RNF214: variants seen among roughly 807,000 people sequenced by gnomAD.
RNF214 encodes the protein ring finger protein 214.
In RNF214, 25 loss-of-function variants were observed where a neutral mutation model predicts 75.9. That is an observed-to-expected ratio of 0.33 (90% CI 0.24 to 0.46). RNF214 has a LOEUF of 0.46. RNF214 is among the 20% of genes least tolerant of loss of function. RNF214 has a pLI of 1.00. For missense variants in RNF214, 725 were observed against 857.5 expected (o/e 0.85, Z 1.93); for synonymous variants, 314 against 308.8 (o/e 1.02, Z -0.18).
At chr11:117,272,277 T>G (rs2033927777) in intron 6 of RNF214, among the ~76,000 whole-genome samples, 1 of 152,172 alleles carries the variant, frequency 6.6e-6, no homozygotes, top group Non-Finnish European at 1.5e-5. Flanking sequence ...GGACCAAAGT[T>G]TGAGGTTTTC....
intron 2 of RNF214, among the ~76,000 whole-genome samples, chr11:117,235,101 A>G (rs901042497): frequency 6.6e-6 from 1 of 152,274 alleles, no homozygotes; most frequent in Non-Finnish European, 1.5e-5. Context: ...TGTGTTGTTT[A>G]AGGAATAATG....
intron 6 of RNF214, among the ~76,000 whole-genome samples, chr11:117,247,766 G>A (rs545975002): frequency 4.0e-5 from 6 of 151,506 alleles, no homozygotes; most frequent in African/African-American, 1.2e-4. Context: ...CAGGGGAATC[G>A]CTTGAATCCA....
In RNF214 at chr11:117,252,387, C is replaced by G. The variant is rs556170593; in HGVS notation, c.959+5439C>G. Among the ~76,000 whole-genome samples, 19 of 152,304 alleles carry G rather than the reference C, an allele frequency of 1.2e-4. No individual in the cohort carries two copies. In the East Asian group the frequency reaches 2.9e-3, roughly 23 times the overall value. ...GTAGACAGGGTTGAGTTAGGGATAA[C>G]TCCCATATTTCTGGCTTGGAAAATT... On this transcript the variant is annotated intron_variant, in intron 6 of 14. Coordinates refer to ENST00000300650, the MANE Select transcript of RNF214 (RefSeq NM_207343.4).
chr11:117,247,452 G>A (rs1392302018), intron 6 of RNF214, among the ~76,000 whole-genome samples: 1 of 152,138 alleles, frequency 6.6e-6, no homozygotes, highest in Non-Finnish European at 1.5e-5. Context: ...CTGTGATTAC[G>A]CCACTGCACT....
chr11:117,239,031 G>A lies in RNF214; in HGVS notation c.538G>A (p.Gly180Arg). Residue 180 changes from glycine to arginine, a missense_variant, in exon 3 of 15, where the codon GGG (glycine) becomes AGG (arginine). Physicochemically the swap from Gly to Arg is moderately radical, Grantham distance 125. Transcript: ENST00000300650. Reference sequence around the variant, plus strand: ...CCGACCTGTAGTGTCTCCAGCAAATGGGGTTGAAGGAGTCCGAGTGGATCA... The same window carrying A: ...CCGACCTGTAGTGTCTCCAGCAAATAGGGTTGAAGGAGTCCGAGTGGATCA... ...DFRPVVSPAN[G>R]VEGVRVDQDD... 1 of 1,614,112 alleles carries A rather than the reference G, an allele frequency of 6.2e-7. No homozygotes were observed. The highest frequency in any genetic ancestry group is 8.5e-7 in the Non-Finnish European group (1 of 1,179,996).
intron 4 of RNF214, 87 bp from the exon 5 acceptor site, chr11:117,244,358 G>A: frequency 1.8e-6 from 2 of 1,085,076 alleles, no homozygotes; most frequent in South Asian, 2.7e-5. Context: ...CGGTCATAGA[G>A]CTCTATACAA....
chr11:117,262,707 T>TTGTGTGTG (rs57686552), intron 6 of RNF214, among the ~76,000 whole-genome samples: 10,274 of 147,658 alleles, frequency 0.07, 614 homozygotes, highest in African/African-American at 0.16. Context: ...TTGAGGAACG[T>TTGTGTGTG]TGTGTGTGTG....
At chr11:117,277,268 G>A (rs2034032125) in intron 6 of RNF214, among the ~76,000 whole-genome samples, 1 of 152,118 alleles carries the variant, frequency 6.6e-6, no homozygotes, top group African/African-American at 2.4e-5. Context: ...GCCTGAACCT[G>A]GGGGGTGGAG....
At chr11:117,253,363 A>G (rs896218123) in intron 6 of RNF214, among the ~76,000 whole-genome samples, 6 of 152,234 alleles carry the variant, frequency 3.9e-5, no homozygotes, top group Non-Finnish European at 7.3e-5. Context: ...TAGTTTAGTC[A>G]TGTATTTGAT....
In RNF214 at chr11:117,283,118, C is replaced by T. The variant is rs767282551; in HGVS notation, c.1954C>T (p.Pro652Ser). 3 of 1,613,086 alleles carry T rather than the reference C, an allele frequency of 1.9e-6. No individual in the cohort carries two copies. Among genetic ancestry groups the T allele is most frequent in the East Asian group, 2.2e-5 (1 of 44,878 alleles). The change falls in exon 14 of 15, where the codon CCA (proline) becomes TCA (serine). Residue 652 changes from proline (P) to serine (S), a missense_variant. This residue lies in a region of RNF214 where 363 missense variants were observed against 513.0 expected (regional missense o/e 0.71). Coordinates refer to ENST00000300650, the MANE Select transcript of RNF214 (RefSeq NM_207343.4). ...VSYPGRSSHA[P>S]ATCKLCLMCQ... is the part of the protein sequence containing the mutation. ...TCATGCCGCCTCTGTTCTACAGGCT[C>T]CAGCCACCTGTAAGCTATGTCTAAT...
intron 6 of RNF214, among the ~76,000 whole-genome samples, chr11:117,279,665 C>T (rs1300890567): frequency 6.6e-6 from 1 of 152,094 alleles, no homozygotes; most frequent in Non-Finnish European, 1.5e-5. Flanking sequence ...AATATAGGGC[C>T]ATTATGCAAC....
chr11:117,241,510 G>A (rs2033079487), intron 4 of RNF214, among the ~76,000 whole-genome samples: 1 of 151,418 alleles, frequency 6.6e-6, no homozygotes, highest in Non-Finnish European at 1.5e-5. Flanking sequence ...AACCCGGGAG[G>A]TAGAGGTTGC....
At chr11:117,240,033 G>C (rs1038182707) in intron 4 of RNF214, among the ~76,000 whole-genome samples, 173 bp downstream of exon 4, 1 of 150,846 alleles carries the variant, frequency 6.6e-6, no homozygotes. Flanking sequence ...ACCTCACAAA[G>C]CAACCAGTTA....
At chr11:117,243,151 T>TATTC (rs2033126100) in intron 4 of RNF214, among the ~76,000 whole-genome samples, 2 of 150,146 alleles carry the variant, frequency 1.3e-5, no homozygotes, top group African/African-American at 5.0e-5. Context: ...TTAATTAATT[T>TATTC]ATTTATTTAT....
chr11:117,254,035 C>T (rs931092402), intron 6 of RNF214, among the ~76,000 whole-genome samples: 15 of 152,056 alleles, frequency 9.9e-5, no homozygotes, highest in Non-Finnish European at 2.2e-4. Flanking sequence ...GGGCAGATCA[C>T]CTGAGGTCAG....
intron 6 of RNF214, among the ~76,000 whole-genome samples, chr11:117,252,675 C>T (rs1313520091): frequency 6.6e-6 from 1 of 152,026 alleles, no homozygotes. Context: ...TGCCTGCCAC[C>T]ACGCCCAGCT....
chr11:117,262,813 T>A (rs2033697865), intron 6 of RNF214, among the ~76,000 whole-genome samples: 1 of 152,224 alleles, frequency 6.6e-6, no homozygotes, highest in South Asian at 2.1e-4. Flanking sequence ...CTCTTTTCTT[T>A]TCTTTTTTGT....
At chr11:117,244,750 C>G (rs1244936387) in intron 5 of RNF214, among the ~76,000 whole-genome samples, 165 bp downstream of exon 5, 2 of 152,012 alleles carry the variant, frequency 1.3e-5, no homozygotes, top group Admixed American at 6.5e-5. Flanking sequence ...ACTGCAGCCT[C>G]TGTCTCCTGG....
intron 4 of RNF214, 52 bp downstream of exon 4, chr11:117,239,912 C>T (rs1293506315): frequency 9.4e-6 from 9 of 959,614 alleles, no homozygotes; most frequent in Non-Finnish European, 1.5e-5. Context: ...AATAGAAGAT[C>T]TAGAGGCATA....
Sources: allele counts gnomAD v4.1 joint callset (sites outside exome capture counted in the v4.1 genomes callset), GRCh38; gene constraint gnomAD v4.1.1; regional missense constraint gnomAD v4.1.1; transcripts MANE v1.5; gene names NCBI Gene and HGNC (gene_info 2026-07-23, HGNC 2026-07-21).